Variants in ADGRL3 observed in about 807,000 individuals in gnomAD.
The protein encoded by ADGRL3 is adhesion G protein-coupled receptor L3, also known as calcium-independent alpha-latrotoxin receptor 3.
In ADGRL3, 62 loss-of-function variants were observed where a neutral mutation model predicts 153.5. That is an observed-to-expected ratio of 0.40 (90% CI 0.33 to 0.50). The LOEUF (loss-of-function observed/expected upper bound fraction) is 0.50, where lower values mean the gene tolerates loss of function less well. ADGRL3 is among the 20% of genes least tolerant of loss of function. ADGRL3 has a pLI of 0.47. For synonymous variants in ADGRL3, 710 were observed against 672.5 expected (o/e 1.06, Z -0.86); for missense variants, 1,641 against 1,859.4 (o/e 0.88, Z 2.16).
At chr4:61,366,417 G>A (rs1240138449) in intron 1 of ADGRL3, among the ~76,000 whole-genome samples, 1 of 152,060 alleles carries the variant, frequency 6.6e-6, no homozygotes, top group East Asian at 1.9e-4. Flanking sequence ...TTTCCCAGTG[G>A]GAAATAACAA....
At chr4:61,396,715 G>A (rs2096872539) in intron 2 of ADGRL3, among the ~76,000 whole-genome samples, 1 of 151,894 alleles carries the variant, frequency 6.6e-6, no homozygotes, top group Admixed American at 6.6e-5. Flanking sequence ...TATTATTAAT[G>A]CATAAAGTAG....
At chr4:61,533,736 A>C (rs2098637629) in intron 4 of ADGRL3, among the ~76,000 whole-genome samples, 1 of 152,102 alleles carries the variant, frequency 6.6e-6, no homozygotes. Flanking sequence ...ATAGCTTTGC[A>C]CTCAAATGTC....
At chr4:62,014,857 T>C (rs189096623) in intron 21 of ADGRL3, among the ~76,000 whole-genome samples, 1 of 152,288 alleles carries the variant, frequency 6.6e-6, no homozygotes, top group Admixed American at 6.5e-5. Flanking sequence ...CAGGTGCTTA[T>C]CAGTTTCCCC....
At chr4:61,764,447 G>C (rs2096951344) in intron 8 of ADGRL3, among the ~76,000 whole-genome samples, 1 of 128,890 alleles carries the variant, frequency 7.8e-6, no homozygotes, top group African/African-American at 4.0e-5. Flanking sequence ...GGCAGGAGTG[G>C]GGGTCGCAAG....
At chr4:61,793,285 G>T (rs955104462) in intron 8 of ADGRL3, among the ~76,000 whole-genome samples, 1 of 152,104 alleles carries the variant, frequency 6.6e-6, no homozygotes, top group African/African-American at 2.4e-5. Context: ...TTAGCCAGTT[G>T]TGGCGGCGGG....
chr4:61,497,496 G>T, intron 3 of ADGRL3, 148 bp downstream of exon 3: 4 of 473,118 alleles, frequency 8.5e-6, no homozygotes, highest in Non-Finnish European at 1.5e-5. Flanking sequence ...AGAACATAAT[G>T]TGTATTTCCT....
intron 3 of ADGRL3, among the ~76,000 whole-genome samples, chr4:61,497,768 C>T (rs2098337711): frequency 6.6e-6 from 1 of 151,680 alleles, no homozygotes. Flanking sequence ...TCGTGACCCG[C>T]CCTCCTTGGC....
In ADGRL3 at chr4:62,075,758, T is replaced by A. The variant is rs1478051078; in HGVS notation, c.*4850T>A. The A allele has an allele frequency of 6.6e-6, 1 of 151,274 alleles. No individual in the cohort carries two copies. Among genetic ancestry groups the A allele is most frequent in the Non-Finnish European group, 1.5e-5 (1 of 67,968 alleles). 9.4% of individuals were successfully genotyped at this position (151,274 alleles called of 1,614,324 possible). ...GGAAGCATTTTTGTGCGAATGGATT[T>A]TACATAAGAAGCTTTTCTGAGCTCA... On this transcript the variant is annotated 3_prime_UTR_variant, in exon 27 of 27. Coordinates refer to ENST00000683033, the MANE Select transcript of ADGRL3 (RefSeq NM_001387552.1).
At chr4:61,908,454 G>A (rs1323973987) in intron 11 of ADGRL3, among the ~76,000 whole-genome samples, 3 of 151,968 alleles carry the variant, frequency 2.0e-5, no homozygotes, top group Non-Finnish European at 4.4e-5. Context: ...AAAATTAGCT[G>A]AGCATGGTGG....
chr4:61,892,934 C>A lies in ADGRL3; in HGVS notation c.1759C>A (p.Gln587Lys). Residue 587 changes from glutamine to lysine, a missense_variant, in exon 10 of 27, where the codon CAG becomes AAG. Physicochemically the swap from Gln to Lys is moderately conservative, Grantham distance 53. This residue lies in a region of ADGRL3 where 734 missense variants were observed against 797.0 expected (regional missense o/e 0.92). Transcript: ENST00000683033. ...FKTRQGQIAK[Q>K]PCPAGTIGVS... ...GACTCGTCAAGGACAGATAGCAAAG[C>A]AGCCATGCCCTGCAGGAACTATAGG... 3.9e-6 allele frequency: 6 copies of A among 1,536,406 alleles called. No homozygotes were observed. Among genetic ancestry groups the A allele is most frequent in the Non-Finnish European group, 5.2e-6 (6 of 1,146,376 alleles).
chr4:61,602,341 G>T (rs951878188), intron 5 of ADGRL3, among the ~76,000 whole-genome samples: 1 of 152,160 alleles, frequency 6.6e-6, no homozygotes, highest in African/African-American at 2.4e-5. Flanking sequence ...AGGATGGGAA[G>T]CATAGATTGC....
intron 1 of ADGRL3, among the ~76,000 whole-genome samples, chr4:61,290,515 A>G (rs562181368): frequency 2.6e-5 from 4 of 152,118 alleles, no homozygotes; most frequent in African/African-American, 9.6e-5. Context: ...GTGGTGGCTT[A>G]TGCCTGTAAT....
chr4:61,497,369 G>C (rs752606162), intron 3 of ADGRL3, 21 bp downstream of exon 3: 1 of 1,548,886 alleles, frequency 6.5e-7, no homozygotes, highest in African/African-American at 1.4e-5. Flanking sequence ...TCAGATTTTT[G>C]TGTAATGCTT....
At chr4:61,368,489 C>T (rs950424870) in intron 1 of ADGRL3, among the ~76,000 whole-genome samples, 3 of 152,088 alleles carry the variant, frequency 2.0e-5, no homozygotes, top group African/African-American at 7.2e-5. Context: ...ATGGGGAATC[C>T]TTTCCCCATT....
At chr4:61,934,549 C>T (rs1039929926) in intron 13 of ADGRL3, among the ~76,000 whole-genome samples, 3 of 152,098 alleles carry the variant, frequency 2.0e-5, no homozygotes, top group East Asian at 3.9e-4. Context: ...ATTATGTGAT[C>T]ATAGTCTTGT....
In ADGRL3 at chr4:62,051,092, A is replaced by G. The variant is rs1449092526; in HGVS notation, c.3814+6543A>G. On this transcript the variant is annotated intron_variant, in intron 25 of 26. Transcript: ENST00000683033. ...GTGTGTGTGTATATATATATACACA[A>G]AGGATATATATATACAAAGAATATG... 4.0e-5 allele frequency among the ~76,000 whole-genome samples: 6 copies of G among 149,942 alleles called. No individual in the cohort carries two copies. The Admixed American group carries it at 4.0e-4, about 10-fold the overall frequency.
chr4:61,372,824 C>A (rs984384928), intron 1 of ADGRL3, among the ~76,000 whole-genome samples: 8 of 152,194 alleles, frequency 5.3e-5, no homozygotes, highest in Non-Finnish European at 4.4e-5. Flanking sequence ...GCCCCTCCCC[C>A]AGTCTCGCTG....
chr4:61,694,205 T>C (rs2095598234), intron 6 of ADGRL3, among the ~76,000 whole-genome samples: 2 of 98,340 alleles, frequency 2.0e-5, no homozygotes, highest in Admixed American at 1.2e-4. Flanking sequence ...TTTTTTTTTT[T>C]TTTTTTTTTT....
chr4:61,836,198 A>T (rs951823226), intron 9 of ADGRL3, among the ~76,000 whole-genome samples: 1 of 152,190 alleles, frequency 6.6e-6, no homozygotes, highest in East Asian at 1.9e-4. Context: ...TTTCACAAAG[A>T]TTAATCTCTT....
Sources: allele counts gnomAD v4.1 joint callset (sites outside exome capture counted in the v4.1 genomes callset), GRCh38; gene constraint gnomAD v4.1.1; regional missense constraint gnomAD v4.1.1; transcripts MANE v1.5; gene names NCBI Gene and HGNC (gene_info 2026-07-23, HGNC 2026-07-21).